The following CDKAL1 variants were observed in gnomAD, a reference collection of about 807,000 sequenced individuals.
CDKAL1 encodes CDKAL1 threonylcarbamoyladenosine tRNA methylthiotransferase.
A neutral mutation model predicts 68.2 loss-of-function variants in CDKAL1; 32 were observed. The observed-to-expected ratio is 0.47, with a 90% CI of 0.35 to 0.63. The LOEUF (loss-of-function observed/expected upper bound fraction) is 0.63, where lower values mean the gene tolerates loss of function less well. Among genes scored for constraint, CDKAL1 ranks in the 30% least tolerant of loss-of-function variants. CDKAL1 has a pLI of 0.00. For synonymous variants in CDKAL1, 234 were observed against 244.3 expected (o/e 0.96, Z 0.39); for missense variants, 606 against 696.7 (o/e 0.87, Z 1.47).
chr6:20,655,301 G>T (rs575509368), intron 5 of CDKAL1, among the ~76,000 whole-genome samples: 2 of 152,322 alleles, frequency 1.3e-5, no homozygotes, highest in Admixed American at 1.3e-4. Context: ...GTAAGGAAGA[G>T]TATAGATCAG....
At chr6:20,664,977 C>T (rs1416218727) in intron 5 of CDKAL1, among the ~76,000 whole-genome samples, 2 of 152,002 alleles carry the variant, frequency 1.3e-5, no homozygotes, top group Non-Finnish European at 2.9e-5. Flanking sequence ...TAACTTTGAA[C>T]AACCGTGGGA....
At chr6:20,939,583 G>C (rs1381787400) in intron 9 of CDKAL1, among the ~76,000 whole-genome samples, 1 of 152,148 alleles carries the variant, frequency 6.6e-6, no homozygotes, top group African/African-American at 2.4e-5. Flanking sequence ...TAATTTTGCT[G>C]TATTTGGCTA....
chr6:20,770,037 A>G (rs976859103), intron 7 of CDKAL1, among the ~76,000 whole-genome samples: 1 of 151,950 alleles, frequency 6.6e-6, no homozygotes, highest in Admixed American at 6.6e-5. Flanking sequence ...ATCTTCTCTT[A>G]TATATTTTGT....
At chr6:21,226,448 A>G (rs1306678776) in intron 15 of CDKAL1, among the ~76,000 whole-genome samples, 1 of 152,214 alleles carries the variant, frequency 6.6e-6, no homozygotes, top group Non-Finnish European at 1.5e-5. Flanking sequence ...GAGCAGTGAG[A>G]TTTACAAGGG....
chr6:20,555,869 G>A (rs561478697), intron 4 of CDKAL1, among the ~76,000 whole-genome samples: 13 of 146,404 alleles, frequency 8.9e-5, no homozygotes, highest in Admixed American at 5.4e-4. Context: ...TGATCCGCCC[G>A]CCTCGGCCTC....
At chr6:20,592,442 TG>T (rs1231243046) in intron 4 of CDKAL1, among the ~76,000 whole-genome samples, 4 of 151,110 alleles carry the variant, frequency 2.6e-5, no homozygotes, top group African/African-American at 4.9e-5. Context: ...TTGTCTTGTG[TG>T]GTTTTTCAAA....
chr6:20,662,438 C>T (rs1769331014), intron 5 of CDKAL1, among the ~76,000 whole-genome samples: 1 of 152,020 alleles, frequency 6.6e-6, no homozygotes, highest in Non-Finnish European at 1.5e-5. Context: ...ACTCAAAGTG[C>T]CCTATGTTTA....
At chr6:21,006,680 G>T (rs958351469) in intron 11 of CDKAL1, among the ~76,000 whole-genome samples, 2 of 152,108 alleles carry the variant, frequency 1.3e-5, no homozygotes, top group African/African-American at 4.8e-5. Context: ...GTTATATTTA[G>T]AAGATTATAT....
At chr6:20,624,444 T>G (rs1410461700) in intron 4 of CDKAL1, among the ~76,000 whole-genome samples, 1 of 152,012 alleles carries the variant, frequency 6.6e-6, no homozygotes, top group Non-Finnish European at 1.5e-5. Context: ...GCTTCTGACT[T>G]GAGGGCAGGC....
At chr6:20,644,667 C>CAAAACA (rs1342396638) in intron 4 of CDKAL1, among the ~76,000 whole-genome samples, 19 of 150,804 alleles carry the variant, frequency 1.3e-4, no homozygotes, top group East Asian at 3.9e-4. Flanking sequence ...GACTCCGTCT[C>CAAAACA]AAAACAAAAA....
rs150177925 is a variant in CDKAL1, at chr6:20,955,566, A to G, written c.890A>G (p.Tyr297Cys). The change falls in exon 10 of 16, where the codon TAT (tyrosine) becomes TGT (cysteine). Residue 297 changes from tyrosine (Y) to cysteine (C), a missense_variant. By Grantham distance (194) the Tyr-to-Cys change is radical. Transcript: ENST00000274695. ...AGGCTTGGCATGACAAATCCGCCCT[A>G]TATTTTAGAGCATCTGGAGGTAAGG... ...MLRLGMTNPP[Y>C]ILEHLEEMAK... 5.0e-6 allele frequency: 8 copies of G among 1,614,018 alleles called. No individual in the cohort carries two copies. Among genetic ancestry groups the G allele is most frequent in the Non-Finnish European group, 5.1e-6 (6 of 1,179,996 alleles).
At chr6:20,872,862 A>G (rs1274749515) in intron 9 of CDKAL1, among the ~76,000 whole-genome samples, 2 of 152,210 alleles carry the variant, frequency 1.3e-5, no homozygotes, top group Non-Finnish European at 2.9e-5. Context: ...ATATTTTAGA[A>G]TACAGATTTT....
intron 7 of CDKAL1, among the ~76,000 whole-genome samples, chr6:20,770,818 A>T (rs4712541): frequency 0.96 from 146,060 of 152,318 alleles, 70,042 homozygotes; most frequent in East Asian, 1. Context: ...AAAGCAGGAA[A>T]TCTAGGAAAA....
chr6:21,008,203 G>C (rs1311332335), intron 11 of CDKAL1, among the ~76,000 whole-genome samples: 2 of 152,120 alleles, frequency 1.3e-5, no homozygotes, highest in African/African-American at 2.4e-5. Flanking sequence ...GAAAATGTGG[G>C]TCAGGAGCCA....
At chr6:20,704,272 A>G (rs1258916992) in intron 5 of CDKAL1, among the ~76,000 whole-genome samples, 1 of 152,196 alleles carries the variant, frequency 6.6e-6, no homozygotes, top group Non-Finnish European at 1.5e-5. Context: ...AAAGAAAGGT[A>G]ACATGTAAGT....
intron 2 of CDKAL1, among the ~76,000 whole-genome samples, chr6:20,545,034 T>C (rs1479404251): frequency 6.6e-6 from 1 of 151,962 alleles, no homozygotes; most frequent in Non-Finnish European, 1.5e-5. Flanking sequence ...ATCTAAAACT[T>C]TTCTGTCTTC....
intron 4 of CDKAL1, among the ~76,000 whole-genome samples, chr6:20,645,757 AAT>A (rs1561993234): frequency 5.4e-5 from 7 of 128,586 alleles, no homozygotes; most frequent in African/African-American, 2.0e-4. Flanking sequence ...AATAAATAAA[AAT>A]AAATAAATAA....
chr6:20,650,705 T>C (rs984573799), intron 5 of CDKAL1, among the ~76,000 whole-genome samples: 4 of 152,238 alleles, frequency 2.6e-5, no homozygotes, highest in Non-Finnish European at 4.4e-5. Context: ...TTTAAGTCTT[T>C]AATCCATCTT....
At chr6:20,921,722 T>A (rs561424221) in intron 9 of CDKAL1, among the ~76,000 whole-genome samples, 1 of 152,322 alleles carries the variant, frequency 6.6e-6, no homozygotes, top group East Asian at 1.9e-4. Flanking sequence ...AATCACTTCA[T>A]TTCATTGCCT....
Sources: allele counts gnomAD v4.1 joint callset (sites outside exome capture counted in the v4.1 genomes callset), GRCh38; gene constraint gnomAD v4.1.1; transcripts MANE v1.5; gene names NCBI Gene and HGNC (gene_info 2026-07-23, HGNC 2026-07-21).